The following HECW1 variants were observed in gnomAD, a reference collection of about 807,000 sequenced individuals.
The protein encoded by HECW1 is HECT, C2 and WW domain containing E3 ubiquitin protein ligase 1.
HECW1 carries 61 observed loss-of-function variants against 182.3 expected under a neutral mutation model. That is an observed-to-expected ratio of 0.33 (90% CI 0.27 to 0.41). HECW1 has a LOEUF of 0.41. Among genes scored for constraint, HECW1 ranks in the 10% least tolerant of loss-of-function variants. HECW1 has a pLI of 1.00. For synonymous variants in HECW1, 859 were observed against 832.6 expected (o/e 1.03, Z -0.55); for missense variants, 1,739 against 2,108.9 (o/e 0.82, Z 3.44).
intron 2 of HECW1, among the ~76,000 whole-genome samples, chr7:43,177,281 C>T (rs1434860473): frequency 2.6e-5 from 4 of 152,152 alleles, no homozygotes; most frequent in Admixed American, 2.6e-4. Context: ...GAACAAGTCC[C>T]AGCACTCTTC....
intron 2 of HECW1, among the ~76,000 whole-genome samples, chr7:43,217,007 C>T (rs557723527): frequency 5.3e-5 from 8 of 152,290 alleles, no homozygotes; most frequent in South Asian, 2.1e-4. Flanking sequence ...GTCAAGGGTT[C>T]TGTGGCTCAC....
At chr7:43,482,555 G>A (rs1206663690) in intron 17 of HECW1, among the ~76,000 whole-genome samples, 1 of 152,274 alleles carries the variant, frequency 6.6e-6, no homozygotes, top group East Asian at 1.9e-4. Flanking sequence ...TGGCAAGAGA[G>A]ATGTTAGGAT....
intron 16 of HECW1, among the ~76,000 whole-genome samples, chr7:43,473,485 C>T (rs1300915567): frequency 1.3e-5 from 2 of 151,880 alleles, no homozygotes; most frequent in Non-Finnish European, 2.9e-5. Flanking sequence ...CAATCAAATA[C>T]CTAAGTATAA....
In HECW1 at chr7:43,221,537, GTTTTTTTTTTTTTTTTT is replaced by G. The variant is rs71008897; in HGVS notation, c.-31-22312_-31-22296del. Among the ~76,000 whole-genome samples the G allele has an allele frequency of 1.0e-3, 52 of 50,526 alleles. 2 individuals carry two copies. Among genetic ancestry groups the G allele is most frequent in the African/African-American group, 2.8e-3 (36 of 13,036 alleles). 33.1% of individuals were successfully genotyped at this position (50,526 alleles called of 152,430 possible). A position where few individuals can be genotyped will look rare whatever the true frequency, so the allele number is the denominator to read the frequency against. ...CTAAACTAAATGTCAGAGGAATTAG[GTTTTTTTTTTTTTTTTT>G]TTTTTTTTTTTTTTTTTTTTTTTTT... On this transcript the variant is annotated intron_variant, in intron 2 of 29. Transcript: ENST00000395891.
chr7:43,442,538 G>A lies in HECW1; in HGVS notation c.954G>A (p.Val318=). 1 of 1,611,554 alleles carries A rather than the reference G, an allele frequency of 6.2e-7. No individual in the cohort carries two copies. Among genetic ancestry groups the A allele is most frequent in the Non-Finnish European group, 8.5e-7 (1 of 1,177,900 alleles). ...GCTTATTTCCTTCTAGGGATAGGGT[G>A]GTCAGCTACACACTTGGCCGCAGGC... ...LLERHAIGDR[V]VSYTLGRRLP... Residue 318 remains valine, a synonymous_variant, in exon 10 of 30, where the codon GTG becomes GTA. Coordinates refer to ENST00000395891, the MANE Select transcript of HECW1 (RefSeq NM_015052.5).
chr7:43,288,358 C>A (rs1804936101), intron 3 of HECW1, among the ~76,000 whole-genome samples: 1 of 152,146 alleles, frequency 6.6e-6, no homozygotes, highest in African/African-American at 2.4e-5. Flanking sequence ...AAAAAAATCC[C>A]CAGGCAATAC....
intron 21 of HECW1, 102 bp from the exon 22 acceptor site, chr7:43,507,035 A>G (rs939363226): frequency 9.3e-6 from 13 of 1,395,406 alleles, no homozygotes; most frequent in Middle Eastern, 2.0e-4. Flanking sequence ...ACACCACTGC[A>G]CTCCAGCCTG....
chr7:43,171,332 C>T (rs920544050), intron 2 of HECW1, among the ~76,000 whole-genome samples: 12 of 152,158 alleles, frequency 7.9e-5, no homozygotes, highest in African/African-American at 1.9e-4. Context: ...GTTAAGATTT[C>T]GTGTGCTGCT....
intron 14 of HECW1, among the ~76,000 whole-genome samples, chr7:43,464,099 C>T (rs962365199): frequency 6.6e-6 from 1 of 152,186 alleles, no homozygotes; most frequent in African/African-American, 2.4e-5. Context: ...TGCTACAGTG[C>T]TTGTGGAGCA....
chr7:43,175,969 G>T (rs1429498983), intron 2 of HECW1, among the ~76,000 whole-genome samples: 1 of 152,088 alleles, frequency 6.6e-6, no homozygotes, highest in African/African-American at 2.4e-5. Flanking sequence ...GTGCCTAATG[G>T]CCAGCTCAGA....
intron 2 of HECW1, among the ~76,000 whole-genome samples, chr7:43,170,529 T>TCACC (rs1290788578): frequency 1.3e-5 from 2 of 152,272 alleles, no homozygotes; most frequent in African/African-American, 4.8e-5. Flanking sequence ...AAGGGGTTAG[T>TCACC]CACCGTAAGG....
At chr7:43,485,941 G>A (rs1029663574) in intron 17 of HECW1, among the ~76,000 whole-genome samples, 1 of 152,122 alleles carries the variant, frequency 6.6e-6, no homozygotes, top group East Asian at 1.9e-4. Context: ...CATGTGCCAT[G>A]TGGGTTTGCT....
At chr7:43,192,615 C>T (rs1172367686) in intron 2 of HECW1, among the ~76,000 whole-genome samples, 2 of 151,982 alleles carry the variant, frequency 1.3e-5, no homozygotes, top group African/African-American at 2.4e-5. Flanking sequence ...CTTACGCGTG[C>T]TTATTTTAAG....
At chr7:43,160,487 G>A (rs2152656075) in intron 2 of HECW1, among the ~76,000 whole-genome samples, 1 of 152,218 alleles carries the variant, frequency 6.6e-6, no homozygotes, top group South Asian at 2.1e-4. Flanking sequence ...ATAAAAGAGA[G>A]ATATAATGTT....
At chr7:43,434,231 G>A (rs1033181775) in intron 8 of HECW1, among the ~76,000 whole-genome samples, 2 of 152,176 alleles carry the variant, frequency 1.3e-5, no homozygotes, top group Non-Finnish European at 2.9e-5. Context: ...GCCATTAAGG[G>A]CCAGCTGAAA....
chr7:43,494,622 A>G (rs112114067), intron 19 of HECW1, among the ~76,000 whole-genome samples: 1 of 151,844 alleles, frequency 6.6e-6, no homozygotes, highest in South Asian at 2.1e-4. Context: ...CTGAGCCTCA[A>G]CCTGACAAGT....
intron 2 of HECW1, among the ~76,000 whole-genome samples, chr7:43,122,588 G>A (rs1165505701): frequency 6.6e-6 from 1 of 152,128 alleles, no homozygotes; most frequent in African/African-American, 2.4e-5. Context: ...CCATCCTGTT[G>A]TCGCAATAAA....
intron 26 of HECW1, among the ~76,000 whole-genome samples, chr7:43,543,183 TA>T: frequency 6.6e-6 from 1 of 152,212 alleles, no homozygotes; most frequent in Non-Finnish European, 1.5e-5. Context: ...TTTCTAGACC[TA>T]AAGTCTGTGA....
At chr7:43,131,141 G>A (rs892133895) in intron 2 of HECW1, among the ~76,000 whole-genome samples, 13 of 152,108 alleles carry the variant, frequency 8.5e-5, no homozygotes, top group African/African-American at 2.7e-4. Flanking sequence ...TGGCACACGC[G>A]TGTAATCCCA....
Sources: gnomAD v4.1 joint callset for allele counts (sites outside exome capture counted in the v4.1 genomes callset) on GRCh38, gnomAD v4.1.1 for gene constraint, MANE v1.5 for transcripts, NCBI Gene and HGNC (gene_info 2026-07-23, HGNC 2026-07-21) for gene names.